F13A1: variants seen among roughly 807,000 people sequenced by gnomAD.
F13A1 encodes coagulation factor XIII A chain, also known as FSF, A subunit.
In F13A1, 47 loss-of-function variants were observed where a neutral mutation model predicts 80.1. The ratio of observed to expected loss-of-function variants is 0.59; its 90% CI spans 0.46 to 0.75. The LOEUF is 0.75. Among genes scored for constraint, F13A1 ranks in the 30% least tolerant of loss-of-function variants. F13A1 has a pLI of 0.00. For missense variants in F13A1, 817 were observed against 930.4 expected (o/e 0.88, Z 1.59); for synonymous variants, 349 against 344.9 (o/e 1.01, Z -0.13).
At chr6:6,231,251 C>G (rs1473985395) in intron 6 of F13A1, among the ~76,000 whole-genome samples, 1 of 151,978 alleles carries the variant, frequency 6.6e-6, no homozygotes, top group Non-Finnish European at 1.5e-5. Context: ...ATTCAGGAAA[C>G]TTTGCACACA....
chr6:6,318,759 T>C lies in F13A1; in HGVS notation c.-18-77A>G, dbSNP rs1420842759. On this transcript the variant is annotated intron_variant, in intron 1 of 14. Coordinates refer to ENST00000264870, the MANE Select transcript of F13A1 (RefSeq NM_000129.4). ...AACATTTGAGACAAGGATTCCAAAATAGAGAAACAGATATATCTGTGTGTG... is the reference window on the plus strand; with the variant it reads ...AACATTTGAGACAAGGATTCCAAAACAGAGAAACAGATATATCTGTGTGTG... The C allele has an allele frequency of 6.1e-6, 9 of 1,476,878 alleles. No homozygotes were observed. In the East Asian group the frequency reaches 6.8e-5, roughly 11 times the overall value. The allele number at this position is 1,476,878 out of a possible 1,614,324, so 91.5% of individuals were successfully genotyped here. A position where few individuals can be genotyped will look rare whatever the true frequency, so the allele number is the denominator to read the frequency against.
At chr6:6,188,762 A>C (rs1761124667) in intron 10 of F13A1, among the ~76,000 whole-genome samples, 1 of 54,828 alleles carries the variant, frequency 1.8e-5, no homozygotes, top group Non-Finnish European at 3.0e-5. Context: ...AGCTGAGTTC[A>C]ATTCCTGGGT....
chr6:6,265,749 T>C (rs1479178655), intron 4 of F13A1, among the ~76,000 whole-genome samples: 2 of 152,230 alleles, frequency 1.3e-5, no homozygotes, highest in Non-Finnish European at 2.9e-5. Flanking sequence ...CCTTTAGATA[T>C]ACAGACTTTC....
chr6:6,177,583 T>C (rs1760903748), intron 11 of F13A1, among the ~76,000 whole-genome samples: 2 of 152,232 alleles, frequency 1.3e-5, no homozygotes, highest in Admixed American at 6.5e-5. Context: ...TAGTCCAGTT[T>C]AGGACATTTT....
intron 8 of F13A1, among the ~76,000 whole-genome samples, chr6:6,218,657 G>A (rs1384718359): frequency 6.6e-6 from 1 of 152,198 alleles, no homozygotes; most frequent in East Asian, 1.9e-4. Flanking sequence ...GGCGTCAACA[G>A]TGGGGCCGCT....
chr6:6,281,496 A>G (rs531706693), intron 3 of F13A1, among the ~76,000 whole-genome samples: 1 of 152,350 alleles, frequency 6.6e-6, no homozygotes, highest in South Asian at 2.1e-4. Flanking sequence ...AAGGGACGAC[A>G]CTAGGTAGGA....
At chr6:6,300,642 C>T (rs6597198) in intron 3 of F13A1, among the ~76,000 whole-genome samples, 59,002 of 151,876 alleles carry the variant, frequency 0.39, 16,586 homozygotes, top group African/African-American at 0.79. Flanking sequence ...GCCCACTGTG[C>T]GGCACTCCCT....
chr6:6,148,992 T>TAAA (rs67577432), intron 14 of F13A1, among the ~76,000 whole-genome samples: 10,044 of 146,960 alleles, frequency 0.068, 382 homozygotes, highest in South Asian at 0.12. Context: ...ATGTAGACAC[T>TAAA]AAAAAAAAAA....
Position 6,297,891 on chromosome 6 carries a change from A to T in F13A1, c.319+7460T>A, listed in dbSNP as rs537874484. On this transcript the variant is annotated intron_variant, in intron 3 of 14. Coordinates refer to ENST00000264870, the MANE Select transcript of F13A1 (RefSeq NM_000129.4). ...CTTTCTCTTGTGGGCATTTAGTGCT[A>T]TAAATTTCCCTCTACACACTGCTTT... Among the ~76,000 whole-genome samples the T allele has an allele frequency of 4.5e-4, 68 of 150,000 alleles. 1 individual carries two copies. Among genetic ancestry groups the T allele is most frequent in the African/African-American group, 1.6e-3 (63 of 39,514 alleles).
intron 12 of F13A1, 134 bp downstream of exon 12, chr6:6,174,446 C>CTCTCTCTCTCTCTCT: frequency 1.0e-6 from 1 of 974,714 alleles, no homozygotes; most frequent in Non-Finnish European, 1.7e-6. Flanking sequence ...AGTGGGTTCT[C>CTCTCTCTCTCTCTCT]CCTGTGAGGC....
At chr6:6,155,672 T>C (rs1251204408) in intron 13 of F13A1, among the ~76,000 whole-genome samples, 2 of 152,222 alleles carry the variant, frequency 1.3e-5, no homozygotes, top group African/African-American at 2.4e-5. Flanking sequence ...GCTTGGGAAA[T>C]GTAACTGGAG....
At chr6:6,294,158 T>G (rs1758279517) in intron 3 of F13A1, among the ~76,000 whole-genome samples, 1 of 152,168 alleles carries the variant, frequency 6.6e-6, no homozygotes, top group Non-Finnish European at 1.5e-5. Flanking sequence ...TACTGTCAAC[T>G]TGATTGGATG....
chr6:6,240,656 T>C (rs974614597), intron 6 of F13A1, among the ~76,000 whole-genome samples: 2 of 152,264 alleles, frequency 1.3e-5, no homozygotes, highest in African/African-American at 4.8e-5. Flanking sequence ...AAAGTGGCTA[T>C]GAAGATACTT....
chr6:6,167,608 C>T lies in F13A1; in HGVS notation c.1758G>A (p.Glu586=), dbSNP rs1186473274. Residue 586 remains glutamate (E), a synonymous_variant, in exon 13 of 15, where the codon GAG becomes GAA. Transcript: ENST00000264870. ...VTLEPLSFKK[E]AVLIQAGEYM... is the part of the protein sequence containing the mutation. ...ACTCGCCGGCTTGGATCAGCACCGC[C>T]TCTTTCTTGACTAGTAGGAGAAAAC... 2 of 1,613,346 alleles carry T rather than the reference C, an allele frequency of 1.2e-6. No homozygotes were observed. Among genetic ancestry groups the T allele is most frequent in the Non-Finnish European group, 1.7e-6 (2 of 1,179,990 alleles).
intron 11 of F13A1, 111 bp downstream of exon 11, chr6:6,181,877 A>G: frequency 8.3e-7 from 1 of 1,200,786 alleles, no homozygotes; most frequent in Non-Finnish European, 1.2e-6. Flanking sequence ...TGCTGTTGCT[A>G]CCAAATGCTG....
chr6:6,316,092 T>TATAC (rs1758678942), intron 2 of F13A1, among the ~76,000 whole-genome samples: 1 of 16,976 alleles, frequency 5.9e-5, no homozygotes, highest in African/African-American at 3.5e-4. Flanking sequence ...TATATATATA[T>TATAC]ATATATATAT....
chr6:6,184,311 GGCCTTCACGGCACACC>G (rs1301152228), intron 10 of F13A1, among the ~76,000 whole-genome samples: 3 of 152,216 alleles, frequency 2.0e-5, no homozygotes, highest in Non-Finnish European at 4.4e-5. Context: ...CCTGGCCCTT[GGCCTTCACGGCACACC>G]GCCTTTCCCA....
intron 3 of F13A1, among the ~76,000 whole-genome samples, chr6:6,293,614 G>C (rs960524128): frequency 1.5e-4 from 23 of 151,890 alleles, no homozygotes; most frequent in African/African-American, 5.6e-4. Flanking sequence ...TCATCAAGCC[G>C]TGGCCAGGTA....
At chr6:6,180,425 T>A (rs1211858735) in intron 11 of F13A1, among the ~76,000 whole-genome samples, 2 of 152,238 alleles carry the variant, frequency 1.3e-5, no homozygotes, top group Admixed American at 1.3e-4. Flanking sequence ...TATCCAGCTC[T>A]ACACAGCACT....
Sources: allele counts gnomAD v4.1 joint callset (sites outside exome capture counted in the v4.1 genomes callset), GRCh38; gene constraint gnomAD v4.1.1; transcripts MANE v1.5; gene names NCBI Gene and HGNC (gene_info 2026-07-23, HGNC 2026-07-21).